The following GRIA4 variants were observed in gnomAD, a reference collection of about 807,000 sequenced individuals.
The protein encoded by GRIA4 is glutamate ionotropic receptor AMPA type subunit 4.
In GRIA4, 34 loss-of-function variants were observed where a neutral mutation model predicts 104.0. That is an observed-to-expected ratio of 0.33 (90% CI 0.25 to 0.44). GRIA4 has a LOEUF of 0.44. GRIA4 is among the 20% of genes least tolerant of loss of function. GRIA4 has a pLI of 1.00. For synonymous variants in GRIA4, 386 were observed against 381.9 expected (o/e 1.01, Z -0.13); for missense variants, 750 against 1,096.5 (o/e 0.68, Z 4.46).
rs1246427270 is a variant in GRIA4 at position 105,980,455 on chromosome 11, AG to A, written c.*717del. Reference sequence around the variant, plus strand: ...AACTTTAGAGACTTTTTTTTATAAAAGTTGTTGGTCATCTTCTTGTTTGCTG... The same window carrying A: ...AACTTTAGAGACTTTTTTTTATAAAATTGTTGGTCATCTTCTTGTTTGCTG... On this transcript the variant is annotated 3_prime_UTR_variant, in exon 17 of 17. Transcript: ENST00000282499. 6.6e-6 allele frequency: 1 copy of A among 152,580 alleles called. No homozygotes were observed. The highest frequency in any genetic ancestry group is 1.5e-5 in the Non-Finnish European group (1 of 68,036). The allele number at this position is 152,580 out of a possible 1,614,324, so 9.5% of individuals were successfully genotyped here.
At chr11:105,678,621 A>C (rs1299532840) in intron 3 of GRIA4, among the ~76,000 whole-genome samples, 3 of 152,036 alleles carry the variant, frequency 2.0e-5, no homozygotes, top group Admixed American at 1.3e-4. Flanking sequence ...AACCTTCAAA[A>C]TTTATCTCTA....
intron 4 of GRIA4, among the ~76,000 whole-genome samples, chr11:105,779,429 GA>G: frequency 6.6e-6 from 1 of 151,798 alleles, no homozygotes; most frequent in Admixed American, 6.6e-5. Flanking sequence ...CACAGAATTG[GA>G]AAAAACTACT....
At chr11:105,753,556 G>T (rs1356959665) in intron 4 of GRIA4, among the ~76,000 whole-genome samples, 3 of 152,102 alleles carry the variant, frequency 2.0e-5, no homozygotes, top group African/African-American at 7.2e-5. Flanking sequence ...ATGTGTGGAG[G>T]TTATTCCCAT....
At chr11:105,950,547 T>C (rs919265952) in intron 14 of GRIA4, among the ~76,000 whole-genome samples, 1 of 88,292 alleles carries the variant, frequency 1.1e-5, no homozygotes, top group Admixed American at 1.2e-4. Context: ...ACTTTGTATG[T>C]ATGAAAAAAA....
At chr11:105,754,610 T>C (rs1940195199) in intron 4 of GRIA4, among the ~76,000 whole-genome samples, 1 of 152,172 alleles carries the variant, frequency 6.6e-6, no homozygotes, top group Non-Finnish European at 1.5e-5. Context: ...TGTTCAATGG[T>C]TGATATAGCT....
chr11:105,738,298 A>G (rs1939081795), intron 3 of GRIA4, among the ~76,000 whole-genome samples: 1 of 152,210 alleles, frequency 6.6e-6, no homozygotes, highest in Non-Finnish European at 1.5e-5. Flanking sequence ...CCTTTCACAT[A>G]TGACCTCTTG....
intron 4 of GRIA4, among the ~76,000 whole-genome samples, chr11:105,810,855 G>A (rs918826156): frequency 2.0e-5 from 3 of 152,016 alleles, no homozygotes; most frequent in African/African-American, 4.8e-5. Context: ...GTTGTAGGTC[G>A]CCTTCTCCAA....
chr11:105,797,546 A>G lies in GRIA4; in HGVS notation c.487+44326A>G, dbSNP rs576781461. 5.1e-4 allele frequency among the ~76,000 whole-genome samples: 78 copies of G among 152,290 alleles called. 2 individuals are homozygous for G. The highest frequency in any genetic ancestry group is 4.7e-3 in the Admixed American group (72 of 15,282). ...TTCTTGGAATACCACCTGCCATATT[A>G]AAACTTATTCCCCAATTTCACCTCT... On this transcript the variant is annotated intron_variant, in intron 4 of 16. Transcript: ENST00000282499.
chr11:105,934,341 T>A (rs1478202880), intron 14 of GRIA4, among the ~76,000 whole-genome samples: 1 of 152,172 alleles, frequency 6.6e-6, no homozygotes, highest in Non-Finnish European at 1.5e-5. Context: ...TTTTTAATTA[T>A]GCCTGGCCAC....
In GRIA4 at chr11:105,857,405, T is replaced by C. The variant is rs1338180053; in HGVS notation, c.488-4619T>C. 3.3e-5 allele frequency among the ~76,000 whole-genome samples: 5 copies of C among 152,132 alleles called. No individual in the cohort carries two copies. The East Asian group carries it at 9.6e-4, about 29-fold the overall frequency. Reference sequence around the variant, plus strand: ...CCTCCATAGCAATTTACAAGATTTATGAGGGAGGCTTTAATTTAACTAACT... The same window carrying C: ...CCTCCATAGCAATTTACAAGATTTACGAGGGAGGCTTTAATTTAACTAACT... On this transcript the variant is annotated intron_variant, in intron 4 of 16. Coordinates refer to ENST00000282499, the MANE Select transcript of GRIA4 (RefSeq NM_000829.4).
intron 5 of GRIA4, 67 bp from the exon 6 acceptor site, chr11:105,887,452 A>T: frequency 1.5e-6 from 1 of 688,756 alleles, no homozygotes; most frequent in Non-Finnish European, 2.5e-6. Flanking sequence ...TAAAATAGAT[A>T]ATAATTTTAA....
intron 4 of GRIA4, among the ~76,000 whole-genome samples, chr11:105,763,331 T>A (rs568867230): frequency 6.6e-6 from 1 of 152,266 alleles, no homozygotes; most frequent in African/African-American, 2.4e-5. Context: ...AAGTTGGCGA[T>A]GTGGGTGTGA....
chr11:105,938,517 T>G (rs1370128856), intron 14 of GRIA4, among the ~76,000 whole-genome samples: 1 of 152,182 alleles, frequency 6.6e-6, no homozygotes, highest in Non-Finnish European at 1.5e-5. Flanking sequence ...ACAAACACAT[T>G]TATTTTAACT....
chr11:105,889,741 T>G (rs1161536178), intron 6 of GRIA4, among the ~76,000 whole-genome samples: 1 of 152,006 alleles, frequency 6.6e-6, no homozygotes, highest in Non-Finnish European at 1.5e-5. Context: ...GGCATCCAGA[T>G]TGAAAAAGAA....
chr11:105,646,736 C>G (rs1951541194), intron 3 of GRIA4, among the ~76,000 whole-genome samples: 1 of 152,114 alleles, frequency 6.6e-6, no homozygotes, highest in African/African-American at 2.4e-5. Flanking sequence ...ACTGGCTAGC[C>G]AAATGCAGAA....
At chr11:105,825,685 C>T (rs1439033711) in intron 4 of GRIA4, among the ~76,000 whole-genome samples, 1 of 151,966 alleles carries the variant, frequency 6.6e-6, no homozygotes. Context: ...AAGGCTGTCT[C>T]CTTTTGCCAG....
Position 105,979,502 on chromosome 11 carries a change from G to A in GRIA4, c.2545-73G>A. On this transcript the variant is annotated intron_variant, in intron 16 of 16. Coordinates refer to ENST00000282499, the MANE Select transcript of GRIA4 (RefSeq NM_000829.4). The stretch of plus-strand genomic sequence containing the variant: ...TTATTTATATTTCGGTGTTTGTTGT[G>A]GAACATATTGTTGAAGAAACAGAAA... The A allele has an allele frequency of 3.1e-6, 4 of 1,301,122 alleles. No homozygotes were observed. In the South Asian group the frequency reaches 3.7e-5, roughly 12 times the overall value. 80.6% of individuals were successfully genotyped at this position (1,301,122 alleles called of 1,614,324 possible). A position where few individuals can be genotyped will look rare whatever the true frequency, so the allele number is the denominator to read the frequency against.
intron 14 of GRIA4, among the ~76,000 whole-genome samples, chr11:105,961,900 G>C (rs936599461): frequency 3.9e-5 from 6 of 152,170 alleles, no homozygotes; most frequent in Non-Finnish European, 7.3e-5. Flanking sequence ...TATTAAGTGA[G>C]ATGGAATTGA....
At chr11:105,772,442 T>C (rs1029874009) in intron 4 of GRIA4, among the ~76,000 whole-genome samples, 2 of 152,282 alleles carry the variant, frequency 1.3e-5, no homozygotes, top group Admixed American at 1.3e-4. Flanking sequence ...CACAGTACAA[T>C]GTGGTAAATG....
Sources: allele counts gnomAD v4.1 joint callset (sites outside exome capture counted in the v4.1 genomes callset), GRCh38; gene constraint gnomAD v4.1.1; transcripts MANE v1.5; gene names NCBI Gene and HGNC (gene_info 2026-07-23, HGNC 2026-07-21).